The following CNTNAP4 variants were observed in gnomAD, a reference collection of about 807,000 sequenced individuals.
The protein encoded by CNTNAP4 is contactin associated protein family member 4, also known as contactin-associated protein-like 4.
A neutral mutation model predicts 148.4 loss-of-function variants in CNTNAP4; 98 were observed. The ratio of observed to expected loss-of-function variants is 0.66; its 90% CI spans 0.56 to 0.78. The LOEUF is 0.78. Ranked by LOEUF, CNTNAP4 falls within the 30% of genes least tolerant of loss-of-function variation. CNTNAP4 has a pLI of 0.00. For missense variants in CNTNAP4, 1,935 were observed against 1,565.6 expected, an observed-to-expected ratio of 1.24 and a Z score of -3.98; for synonymous variants, 730 against 565.1, an observed-to-expected ratio of 1.29 and a Z score of -4.14.
chr16:76,541,984 A>C (rs967683367), intron 21 of CNTNAP4, among the ~76,000 whole-genome samples: 1 of 152,224 alleles, frequency 6.6e-6, no homozygotes, highest in Non-Finnish European at 1.5e-5. Context: ...CATTTGCTCT[A>C]AGAATATGTA....
intron 3 of CNTNAP4, among the ~76,000 whole-genome samples, chr16:76,377,999 C>T (rs1041441048): frequency 3.9e-5 from 6 of 152,184 alleles, no homozygotes; most frequent in Admixed American, 3.9e-4. Flanking sequence ...TTACACACCT[C>T]TCACAACTAC....
chr16:76,452,500 A>T lies in CNTNAP4; in HGVS notation c.1072-8A>T, dbSNP rs765307012. On this transcript the variant is annotated splice_region_variant and splice_polypyrimidine_tract_variant and intron_variant, in intron 7 of 23. Coordinates refer to ENST00000611870, the MANE Select transcript of CNTNAP4 (RefSeq NM_033401.5). ...TTCTGAAAGCTTTTTCTTTTACTTT[A>T]TTCTCAGGGAAATGTGTCATTTTCT... 6 of 1,613,696 alleles carry T rather than the reference A, an allele frequency of 3.7e-6. 1 individual carries two copies. In the South Asian group the frequency reaches 4.4e-5, roughly 12 times the overall value.
At position 76,292,240 on chromosome 16, in the gene CNTNAP4, G is replaced by A. The variant is rs148163772; in HGVS notation, c.85+14493G>A. ...TTTCTTTTGGAAGGAGAAATGTAACGTTACCACTGTCTCCTTGCACCCCTC... is the reference window on the plus strand; with the variant it reads ...TTTCTTTTGGAAGGAGAAATGTAACATTACCACTGTCTCCTTGCACCCCTC... On this transcript the variant is annotated intron_variant, in intron 1 of 23. Transcript: ENST00000611870. Among the ~76,000 whole-genome samples, 26 of 152,220 alleles carry A rather than the reference G, an allele frequency of 1.7e-4. 2 individuals are homozygous for A. The highest frequency in any genetic ancestry group is 5.5e-4 in the African/African-American group (23 of 41,538).
At chr16:76,437,064 A>T (rs1172479108) in intron 4 of CNTNAP4, among the ~76,000 whole-genome samples, 1 of 152,016 alleles carries the variant, frequency 6.6e-6, no homozygotes, top group Non-Finnish European at 1.5e-5. Flanking sequence ...CAAGCTGAGG[A>T]GCAAGGAAGC....
At chr16:76,435,826 G>A (rs189665611) in intron 4 of CNTNAP4, among the ~76,000 whole-genome samples, 8 of 152,162 alleles carry the variant, frequency 5.3e-5, no homozygotes, top group African/African-American at 1.9e-4. Flanking sequence ...AACTCCCTAA[G>A]CTGCAACGTT....
intron 4 of CNTNAP4, among the ~76,000 whole-genome samples, chr16:76,435,895 A>G (rs916806265): frequency 5.9e-5 from 9 of 152,052 alleles, no homozygotes; most frequent in Admixed American, 6.6e-5. Context: ...ATCTAATTCT[A>G]TGTTTCTTCC....
chr16:76,539,914 A>G (rs1032808989), intron 20 of CNTNAP4, 62 bp downstream of exon 20: 141 of 1,293,648 alleles, frequency 1.1e-4, no homozygotes, highest in Non-Finnish European at 9.6e-5. Context: ...AAGGATCTCA[A>G]GCAGAAATTT....
intron 15 of CNTNAP4, among the ~76,000 whole-genome samples, chr16:76,513,375 T>C (rs772308868): frequency 2.6e-5 from 4 of 152,026 alleles, no homozygotes; most frequent in Non-Finnish European, 5.9e-5. Context: ...GAAGGAAATA[T>C]AGTGTGATCG....
At chr16:76,292,362 G>C (rs576167543) in intron 1 of CNTNAP4, among the ~76,000 whole-genome samples, 3 of 152,268 alleles carry the variant, frequency 2.0e-5, no homozygotes, top group Non-Finnish European at 2.9e-5. Flanking sequence ...GGTGGGTACA[G>C]ACTGTCATGT....
At chr16:76,461,297 A>G (rs975502954) in intron 8 of CNTNAP4, among the ~76,000 whole-genome samples, 84 of 152,278 alleles carry the variant, frequency 5.5e-4, no homozygotes, top group African/African-American at 1.9e-3. Context: ...AAATGTGGAC[A>G]GGGCCGCTTA....
chr16:76,401,855 C>T (rs2078429419), intron 3 of CNTNAP4, among the ~76,000 whole-genome samples: 1 of 152,132 alleles, frequency 6.6e-6, no homozygotes, highest in South Asian at 2.1e-4. Flanking sequence ...TATTGATTTG[C>T]ATATGTTGAA....
At chr16:76,383,344 A>T (rs1420482263) in intron 3 of CNTNAP4, among the ~76,000 whole-genome samples, 1 of 151,872 alleles carries the variant, frequency 6.6e-6, no homozygotes, top group African/African-American at 2.4e-5. Context: ...GTGTGCTTCG[A>T]AAGATTCTTG....
chr16:76,347,750 C>T (rs1413006122), intron 2 of CNTNAP4, among the ~76,000 whole-genome samples: 1 of 151,646 alleles, frequency 6.6e-6, no homozygotes, highest in Admixed American at 6.6e-5. Context: ...GACTGATGTT[C>T]AGTTTATTCA....
At chr16:76,318,129 A>C (rs1683157728) in intron 2 of CNTNAP4, among the ~76,000 whole-genome samples, 1 of 152,134 alleles carries the variant, frequency 6.6e-6, no homozygotes, top group Non-Finnish European at 1.5e-5. Context: ...CACCAGCAGG[A>C]ATGCTGTTAT....
intron 2 of CNTNAP4, among the ~76,000 whole-genome samples, chr16:76,333,034 C>T (rs1221927556): frequency 1.3e-5 from 2 of 152,192 alleles, no homozygotes; most frequent in Non-Finnish European, 2.9e-5. Flanking sequence ...ACTTTACACT[C>T]ATTAACAGAT....
chr16:76,448,076 G>A lies in CNTNAP4; in HGVS notation c.603G>A (p.Leu201=), dbSNP rs966408033. 6.2e-7 allele frequency: 1 copy of A among 1,613,592 alleles called. No homozygotes were observed. The highest frequency in any genetic ancestry group is 1.3e-5 in the African/African-American group (1 of 74,886). Residue 201 remains leucine (L), a synonymous_variant, in exon 5 of 24, where the codon CTG becomes CTA. Transcript: ENST00000611870. ...TCTACAGATTTGATCAAAAATCCCTGAGCCCAATAAAAGACATTATTTCTT... is the reference window on the plus strand; with the variant it reads ...TCTACAGATTTGATCAAAAATCCCTAAGCCCAATAAAAGACATTATTTCTT... ...SLLYRFDQKS[L]SPIKDIISLK... is the part of the protein sequence containing the mutation.
chr16:76,501,949 G>C (rs1159857741), intron 15 of CNTNAP4, among the ~76,000 whole-genome samples: 2 of 151,198 alleles, frequency 1.3e-5, no homozygotes, highest in Non-Finnish European at 3.0e-5. Flanking sequence ...GGCGCCTGTA[G>C]TCCCAGCTAC....
chr16:76,393,353 G>A (rs2078091954), intron 3 of CNTNAP4, among the ~76,000 whole-genome samples: 1 of 152,170 alleles, frequency 6.6e-6, no homozygotes, highest in African/African-American at 2.4e-5. Context: ...TACTTTATAT[G>A]CTGTCATTTA....
chr16:76,538,373 A>G, intron 19 of CNTNAP4, 33 bp downstream of exon 19: 1 of 1,430,580 alleles, frequency 7.0e-7, no homozygotes, highest in Non-Finnish European at 9.8e-7. Context: ...AGAGAAAATT[A>G]AATTAGAACA....
Sources: gnomAD v4.1 joint callset for allele counts (sites outside exome capture counted in the v4.1 genomes callset) on GRCh38, gnomAD v4.1.1 for gene constraint, MANE v1.5 for transcripts, NCBI Gene and HGNC (gene_info 2026-07-23, HGNC 2026-07-21) for gene names.